The following PCDH9 variants were observed in gnomAD, a reference collection of about 807,000 sequenced individuals.
PCDH9 encodes the protein protocadherin-9.
Under a neutral mutation model 70.6 loss-of-function variants are expected in PCDH9, and 24 were observed. That is an observed-to-expected ratio of 0.34 (90% CI 0.25 to 0.48). The LOEUF is 0.48. PCDH9 is among the 20% of genes least tolerant of loss of function. The pLI, the probability that PCDH9 is intolerant of heterozygous loss-of-function variation, is 0.99. For missense variants in PCDH9, 1,281 were observed against 1,503.6 expected (o/e 0.85, Z 2.45); for synonymous variants, 562 against 558.5 (o/e 1.01, Z -0.09).
intron 4 of PCDH9, among the ~76,000 whole-genome samples, chr13:66,342,203 T>G (rs938650937): frequency 2.0e-5 from 3 of 152,196 alleles, no homozygotes; most frequent in Admixed American, 6.6e-5. Context: ...AAAAGTTGAG[T>G]CATCACTTAA....
intron 2 of PCDH9, among the ~76,000 whole-genome samples, chr13:67,188,337 G>C (rs901428203): frequency 9.9e-5 from 15 of 152,002 alleles, no homozygotes; most frequent in Non-Finnish European, 5.9e-5. Context: ...AATCTTTATT[G>C]AATCTAAAAA....
chr13:66,812,129 T>G (rs1226471554), intron 3 of PCDH9, among the ~76,000 whole-genome samples: 1 of 152,070 alleles, frequency 6.6e-6, no homozygotes, highest in Non-Finnish European at 1.5e-5. Context: ...GCCTCTAAAA[T>G]TGCTTATGGA....
At chr13:66,951,075 T>C (rs982197836) in intron 2 of PCDH9, among the ~76,000 whole-genome samples, 5 of 152,208 alleles carry the variant, frequency 3.3e-5, no homozygotes, top group African/African-American at 1.2e-4. Context: ...AAGTATGTGG[T>C]GCAATGGGCA....
At chr13:66,892,791 C>T (rs1180332490) in intron 3 of PCDH9, among the ~76,000 whole-genome samples, 1 of 151,978 alleles carries the variant, frequency 6.6e-6, no homozygotes, top group African/African-American at 2.4e-5. Context: ...ATCTAAAATA[C>T]AAGGTAGAAG....
chr13:66,699,186 T>A (rs921213157), intron 3 of PCDH9, among the ~76,000 whole-genome samples: 1 of 152,062 alleles, frequency 6.6e-6, no homozygotes, highest in Non-Finnish European at 1.5e-5. Flanking sequence ...AGTGCTGGGA[T>A]TACAGGTGTG....
chr13:66,740,018 C>T (rs2079231168), intron 3 of PCDH9, among the ~76,000 whole-genome samples: 1 of 151,686 alleles, frequency 6.6e-6, no homozygotes, highest in Non-Finnish European at 1.5e-5. Context: ...AACTCTCCAC[C>T]CCAAATCAAC....
At chr13:66,865,944 A>G (rs920856540) in intron 3 of PCDH9, among the ~76,000 whole-genome samples, 1 of 152,202 alleles carries the variant, frequency 6.6e-6, no homozygotes, top group African/African-American at 2.4e-5. Flanking sequence ...TCGTTGTATC[A>G]GGTTCATTCG....
At chr13:66,443,573 T>G (rs1290879374) in intron 4 of PCDH9, among the ~76,000 whole-genome samples, 1 of 152,194 alleles carries the variant, frequency 6.6e-6, no homozygotes, top group Non-Finnish European at 1.5e-5. Context: ...TCATGTATTT[T>G]TTTCAACTCT....
intron 2 of PCDH9, among the ~76,000 whole-genome samples, chr13:66,980,294 TCA>T (rs890735603): frequency 6.6e-6 from 1 of 152,022 alleles, no homozygotes; most frequent in Non-Finnish European, 1.5e-5. Flanking sequence ...ATGATCTTCA[TCA>T]CACACACACG....
chr13:66,442,280 T>C (rs1957989401), intron 4 of PCDH9, among the ~76,000 whole-genome samples: 1 of 152,098 alleles, frequency 6.6e-6, no homozygotes, highest in South Asian at 2.1e-4. Context: ...ATCCAAAACA[T>C]AAATATGCTT....
At chr13:66,820,136 C>T (rs949653484) in intron 3 of PCDH9, among the ~76,000 whole-genome samples, 1 of 151,602 alleles carries the variant, frequency 6.6e-6, no homozygotes, top group Non-Finnish European at 1.5e-5. Flanking sequence ...CAAATATATC[C>T]TAAATATTTT....
chr13:66,770,875 T>C lies in PCDH9; in HGVS notation c.3138+132629A>G, dbSNP rs569216078. Among the ~76,000 whole-genome samples the C allele has an allele frequency of 2.6e-5, 4 of 152,314 alleles. No individual in the cohort carries two copies. The East Asian group carries it at 7.7e-4, about 29-fold the overall frequency. On this transcript the variant is annotated intron_variant, in intron 3 of 4. Transcript: ENST00000377865. ...TCAAAAACACAAATATGGTCACTGA[T>C]AACTCCTAAATTCTAACCTAAGCTA...
intron 3 of PCDH9, among the ~76,000 whole-genome samples, chr13:66,887,064 CACACACACACACA>C (rs2082017251): frequency 6.6e-6 from 1 of 151,544 alleles, no homozygotes; most frequent in African/African-American, 2.4e-5. Context: ...CACACACACA[CACACACACACACA>C]CCCTGTATTT....
At chr13:66,843,353 CAT>C (rs1228435898) in intron 3 of PCDH9, among the ~76,000 whole-genome samples, 2 of 18,514 alleles carry the variant, frequency 1.1e-4, no homozygotes, top group Admixed American at 1.2e-3. Flanking sequence ...CATGCACATA[CAT>C]ACACACACAC....
At position 66,815,868 on chromosome 13, in the gene PCDH9, T is replaced by C. The variant is rs2080596147; in HGVS notation, c.3138+87636A>G. On this transcript the variant is annotated intron_variant, in intron 3 of 4. Coordinates refer to ENST00000377865, the MANE Select transcript of PCDH9 (RefSeq NM_203487.3). ...CTGTACATCAAACCCCTGTGATATGTAATTTAGCTATATAACAAACCTGTA... is the reference window on the plus strand; with the variant it reads ...CTGTACATCAAACCCCTGTGATATGCAATTTAGCTATATAACAAACCTGTA... 2.0e-5 allele frequency among the ~76,000 whole-genome samples: 3 copies of C among 152,176 alleles called. 1 individual carries two copies. In the South Asian group the frequency reaches 6.2e-4, roughly 32 times the overall value.
At chr13:67,044,801 T>G (rs1382915602) in intron 2 of PCDH9, among the ~76,000 whole-genome samples, 2 of 152,018 alleles carry the variant, frequency 1.3e-5, no homozygotes, top group African/African-American at 4.8e-5. Flanking sequence ...TGCATCAGGA[T>G]TTCAGCAGGG....
chr13:66,684,306 A>G (rs942317337), intron 3 of PCDH9, among the ~76,000 whole-genome samples: 16 of 152,106 alleles, frequency 1.1e-4, no homozygotes, highest in African/African-American at 3.6e-4. Context: ...TGATCGCTAT[A>G]ATCTTACTTA....
chr13:66,508,237 A>G (rs1002840878), intron 4 of PCDH9, among the ~76,000 whole-genome samples: 5 of 152,146 alleles, frequency 3.3e-5, no homozygotes, highest in African/African-American at 1.2e-4. Context: ...AAGACACCTG[A>G]TATTTGTGGG....
At chr13:66,337,271 A>G (rs970678934) in intron 4 of PCDH9, among the ~76,000 whole-genome samples, 4 of 152,066 alleles carry the variant, frequency 2.6e-5, no homozygotes, top group African/African-American at 9.7e-5. Flanking sequence ...CAATTTATAT[A>G]TATATTTATC....
Sources: allele counts gnomAD v4.1 joint callset (sites outside exome capture counted in the v4.1 genomes callset), GRCh38; gene constraint gnomAD v4.1.1; transcripts MANE v1.5; gene names NCBI Gene and HGNC (gene_info 2026-07-23, HGNC 2026-07-21).